BIRC6: variants seen among roughly 807,000 people sequenced by gnomAD.
BIRC6 encodes baculoviral IAP repeat containing 6, also known as dual E2 ubiquitin-conjugating enzyme/E3 ubiquitin-protein ligase BIRC6.
A neutral mutation model predicts 503.3 loss-of-function variants in BIRC6; 98 were observed. That is an observed-to-expected ratio of 0.19 (90% CI 0.17 to 0.23). The LOEUF (loss-of-function observed/expected upper bound fraction) is 0.23. Ranked by LOEUF, BIRC6 falls within the 10% of genes least tolerant of loss-of-function variation. BIRC6 has a pLI of 1.00. For missense variants in BIRC6, 5,360 were observed against 5,806.0 expected, an observed-to-expected ratio of 0.92 and a Z score of 2.50; for synonymous variants, 2,240 against 2,078.7, an observed-to-expected ratio of 1.08 and a Z score of -2.11.
chr2:32,491,249 GTAGA>G (rs1395969725), intron 43 of BIRC6, among the ~76,000 whole-genome samples, 172 bp from the exon 44 acceptor site: 1 of 152,094 alleles, frequency 6.6e-6, no homozygotes, highest in Non-Finnish European at 1.5e-5. Flanking sequence ...GAGATAGATG[GTAGA>G]TAGAGAGGGA....
chr2:32,415,766 A>G lies in BIRC6; in HGVS notation c.2475A>G (p.Leu825=). ...AGAGGAATGTTAGTGGTGGATATTTAGTGCTTTATAAAATGAATTATGCCA... is the reference window on the plus strand; with the variant it reads ...AGAGGAATGTTAGTGGTGGATATTTGGTGCTTTATAAAATGAATTATGCCA... ...PEQRNVSGGY[L]VLYKMNYATR... Residue 825 remains leucine (L), a synonymous_variant, in exon 10 of 74, where the codon TTA becomes TTG. Transcript: ENST00000421745. 1 of 1,613,746 alleles carries G rather than the reference A, an allele frequency of 6.2e-7. No individual in the cohort carries two copies. The highest frequency in any genetic ancestry group is 8.5e-7 in the Non-Finnish European group (1 of 1,179,802).
intron 9 of BIRC6, among the ~76,000 whole-genome samples, chr2:32,413,664 C>T (rs970392392): frequency 6.9e-6 from 1 of 145,892 alleles, no homozygotes; most frequent in Non-Finnish European, 1.5e-5. Flanking sequence ...TACGGTTTTT[C>T]TGAGTAAGCT....
chr2:32,556,587 G>A (rs936923820), intron 65 of BIRC6, among the ~76,000 whole-genome samples: 1 of 152,060 alleles, frequency 6.6e-6, no homozygotes, highest in Non-Finnish European at 1.5e-5. Flanking sequence ...GTTTATGCCA[G>A]TTGTATTTCC....
intron 57 of BIRC6, among the ~76,000 whole-genome samples, chr2:32,520,796 G>C (rs1572779609): frequency 6.6e-6 from 1 of 152,180 alleles, no homozygotes; most frequent in Admixed American, 6.5e-5. Context: ...CAGCCTGGAC[G>C]ACAGAGCGAG....
intron 43 of BIRC6, among the ~76,000 whole-genome samples, chr2:32,490,434 G>A (rs2051551080): frequency 6.6e-6 from 1 of 152,114 alleles, no homozygotes; most frequent in South Asian, 2.1e-4. Context: ...ACTTGGGAGG[G>A]TGACGCACGA....
chr2:32,469,668 G>C (rs1254657843), intron 30 of BIRC6, 54 bp downstream of exon 30: 2 of 1,420,956 alleles, frequency 1.4e-6, no homozygotes, highest in African/African-American at 2.9e-5. Context: ...ACTTTTCACA[G>C]TTACTGGTTA....
chr2:32,359,560 G>A (rs187633874), intron 1 of BIRC6, among the ~76,000 whole-genome samples: 40 of 152,238 alleles, frequency 2.6e-4, no homozygotes, highest in African/African-American at 8.7e-4. Context: ...AGAAGAGTTC[G>A]GGATTGGATA....
In BIRC6 at chr2:32,617,828, G is replaced by GTGCTGAGGAGACTCATGCA; in HGVS notation, c.14512_14513insATGCATGCTGAGGAGACTC (p.Leu4838HisfsTer4). 1 of 1,613,994 alleles carries GTGCTGAGGAGACTCATGCA rather than the reference G, an allele frequency of 6.2e-7. No homozygotes were observed. Among genetic ancestry groups the GTGCTGAGGAGACTCATGCA allele is most frequent in the Non-Finnish European group, 8.5e-7 (1 of 1,179,880 alleles). Reference sequence around the variant, plus strand: ...CCAGAGGTGTGCAGAGCCACAACAGGTGCTGAGGAGACTCTAATGCATGAT... The same window carrying GTGCTGAGGAGACTCATGCA: ...CCAGAGGTGTGCAGAGCCACAACAGGTGCTGAGGAGACTCATGCATGCTGAGGAGACTCTAATGCATGAT... On this transcript the variant is annotated frameshift_variant, in exon 74 of 74. Transcript: ENST00000421745. LOFTEE classifies it high-confidence loss of function.
At chr2:32,540,252 G>A (rs1452344794) in intron 61 of BIRC6, among the ~76,000 whole-genome samples, 1 of 151,982 alleles carries the variant, frequency 6.6e-6, no homozygotes, top group Non-Finnish European at 1.5e-5. Flanking sequence ...TTAAATTGGA[G>A]CATTTGACTA....
chr2:32,402,459 A>T (rs972588903), intron 8 of BIRC6, among the ~76,000 whole-genome samples: 1 of 152,178 alleles, frequency 6.6e-6, no homozygotes, highest in Non-Finnish European at 1.5e-5. Flanking sequence ...GTAGTCAGTG[A>T]TTTATCATTT....
intron 22 of BIRC6, among the ~76,000 whole-genome samples, chr2:32,453,519 C>A (rs116690876): frequency 8.7e-4 from 132 of 152,240 alleles, no homozygotes; most frequent in African/African-American, 3.0e-3. Flanking sequence ...AGATTGAAAT[C>A]ACTTGTTACT....
At chr2:32,385,786 C>G (rs1228816056) in intron 3 of BIRC6, among the ~76,000 whole-genome samples, 1 of 152,208 alleles carries the variant, frequency 6.6e-6, no homozygotes, top group Admixed American at 6.5e-5. Context: ...TTTCTTGATA[C>G]TTGGATTAGA....
In BIRC6 at chr2:32,482,415, TCCA is replaced by T; in HGVS notation, c.7543-13_7543-11del. The T allele has an allele frequency of 6.2e-7, 1 of 1,605,404 alleles. No individual in the cohort carries two copies. The highest frequency in any genetic ancestry group is 1.1e-5 in the South Asian group (1 of 89,854). ...GGCAAAAATAAACCACAGTTTTTTT[TCCA>T]TTCTTTTAAGCCAATAAGCAGTACA... On this transcript the variant is annotated splice_polypyrimidine_tract_variant and intron_variant, in intron 38 of 73. Transcript: ENST00000421745.
intron 47 of BIRC6, 38 bp from the exon 48 acceptor site, chr2:32,502,757 A>T: frequency 6.8e-7 from 1 of 1,480,160 alleles, no homozygotes; most frequent in Non-Finnish European, 9.3e-7. Context: ...TATTCACAGG[A>T]ATATATAAAG....
chr2:32,392,020 A>G lies in BIRC6; in HGVS notation c.840-19A>G. The G allele has an allele frequency of 1.4e-6, 2 of 1,457,522 alleles. No individual in the cohort carries two copies. Among genetic ancestry groups the G allele is most frequent in the Admixed American group, 2.2e-5 (1 of 46,004 alleles). The allele number at this position is 1,457,522 out of a possible 1,614,324, so 90.3% of individuals were successfully genotyped here. On this transcript the variant is annotated intron_variant, in intron 4 of 73. Coordinates refer to ENST00000421745, the MANE Select transcript of BIRC6 (RefSeq NM_016252.4). ...ATTTGATGCCTAACTTCAATTACATAAAGTATGTTTACTTTTAGATCACTG... is the reference window on the plus strand; with the variant it reads ...ATTTGATGCCTAACTTCAATTACATGAAGTATGTTTACTTTTAGATCACTG...
intron 6 of BIRC6, among the ~76,000 whole-genome samples, chr2:32,396,908 A>G (rs2039960458): frequency 6.6e-6 from 1 of 151,942 alleles, no homozygotes; most frequent in African/African-American, 2.4e-5. Flanking sequence ...TTGTGTTTTT[A>G]GTAGAGACGG....
chr2:32,542,168 T>G (rs1185637550), intron 61 of BIRC6, among the ~76,000 whole-genome samples: 1 of 152,070 alleles, frequency 6.6e-6, no homozygotes, highest in Non-Finnish European at 1.5e-5. Flanking sequence ...TTTCTAGGTA[T>G]GTTTGCTGAT....
chr2:32,494,476 T>A (rs1455388494), intron 45 of BIRC6, among the ~76,000 whole-genome samples: 1 of 152,014 alleles, frequency 6.6e-6, no homozygotes, highest in Non-Finnish European at 1.5e-5. Context: ...TCCGCCCGCC[T>A]CAGCCTCCCA....
chr2:32,567,631 C>A (rs899965222), intron 65 of BIRC6, among the ~76,000 whole-genome samples: 2 of 152,216 alleles, frequency 1.3e-5, no homozygotes, highest in African/African-American at 4.8e-5. Context: ...ACCAAGTTTT[C>A]ACTGTTGGTC....
Sources: allele counts gnomAD v4.1 joint callset (sites outside exome capture counted in the v4.1 genomes callset), GRCh38; gene constraint gnomAD v4.1.1; transcripts MANE v1.5; gene names NCBI Gene and HGNC (gene_info 2026-07-23, HGNC 2026-07-21).